Variants in EDN3 observed in about 807,000 individuals in gnomAD.
EDN3 encodes the protein endothelin 3.
Under a neutral mutation model 21.4 loss-of-function variants are expected in EDN3, and 9 were observed. That is an observed-to-expected ratio of 0.42 (90% CI 0.25 to 0.73). The LOEUF (loss-of-function observed/expected upper bound fraction) is 0.73. Among genes scored for constraint, EDN3 ranks in the 30% least tolerant of loss-of-function variants. The probability of loss-of-function intolerance (pLI) is 0.26; values close to 1 mark genes in which losing one functional copy is unlikely to be tolerated. For missense variants in EDN3, 327 were observed against 309.4 expected (o/e 1.06, Z -0.43); for synonymous variants, 133 against 126.2 (o/e 1.05, Z -0.36).
intron 2 of EDN3, among the ~76,000 whole-genome samples, chr20:59,303,242 T>C (rs1600721131): frequency 6.6e-6 from 1 of 152,202 alleles, no homozygotes; most frequent in Non-Finnish European, 1.5e-5. Flanking sequence ...TGTGTCCACC[T>C]AGAGGATGGG....
chr20:59,303,849 C>T (rs1382724647), intron 2 of EDN3, among the ~76,000 whole-genome samples: 4 of 152,082 alleles, frequency 2.6e-5, no homozygotes, highest in African/African-American at 7.2e-5. Flanking sequence ...CCTTCCTTCC[C>T]GACACTGGTT....
rs11570255 is a variant in EDN3 at position 59,300,861 on chromosome 20, G to A, written c.49G>A (p.Ala17Thr). The A allele has an allele frequency of 1.0e-3, 1,677 of 1,610,930 alleles. 14 individuals carry two copies. The East Asian group carries it at 0.021, about 20-fold the overall frequency. Residue 17 changes from alanine (A) to threonine (T), a missense_variant, in exon 1 of 5, where the codon GCA (alanine) becomes ACA (threonine). By Grantham distance (58) the Ala-to-Thr change is moderately conservative. Transcript: ENST00000337938. ...LLFGLTVTSA[A>T]GFVPCSQSGD... is the part of the protein sequence containing the mutation. ...TTTCGGGCTCACAGTGACCTCCGCC[G>A]CAGGTAAGCGCACGGGGCGGCGCGC...
intron 2 of EDN3, among the ~76,000 whole-genome samples, chr20:59,319,461 C>T (rs1990388920): frequency 6.6e-6 from 1 of 152,028 alleles, no homozygotes. Context: ...ACCTGTAATC[C>T]AGCACTTTGG....
Position 59,322,510 on chromosome 20 carries a change from G to A in EDN3, c.588+93G>A. ...GGGTGGAGGGTGTTTTGAGGGGATGGCATCTGGTCTGGTCCAGTGGGAACC... is the reference window on the plus strand; with the variant it reads ...GGGTGGAGGGTGTTTTGAGGGGATGACATCTGGTCTGGTCCAGTGGGAACC... On this transcript the variant is annotated intron_variant, in intron 4 of 4. Transcript: ENST00000337938. This position sits in a 1 kb window ranked among gnomAD's most constrained non-coding sequence, Gnocchi z 4.1. 6.5e-7 allele frequency: 1 copy of A among 1,544,978 alleles called. No individual in the cohort carries two copies. Among genetic ancestry groups the A allele is most frequent in the South Asian group, 1.1e-5 (1 of 89,050 alleles).
intron 2 of EDN3, among the ~76,000 whole-genome samples, chr20:59,320,683 G>C (rs866946245): frequency 6.6e-6 from 1 of 152,216 alleles, no homozygotes; most frequent in Non-Finnish European, 1.5e-5. Flanking sequence ...ACCTGCAGCT[G>C]GTGCCTTGGG....
rs573300682 is a variant in EDN3, at chr20:59,318,054, T to A, written c.366-2963T>A. On this transcript the variant is annotated intron_variant, in intron 2 of 4. Transcript: ENST00000337938. ...CTGGGACTCAAAGCCATATGCTCCC[T>A]CTTCAAGACCATGTTCCAGGTATTC... 4.9e-4 allele frequency among the ~76,000 whole-genome samples: 75 copies of A among 152,306 alleles called. No individual in the cohort carries two copies. The South Asian group carries it at 0.016, about 32-fold the overall frequency.
intron 2 of EDN3, among the ~76,000 whole-genome samples, chr20:59,311,379 G>T (rs1448282267): frequency 1.3e-5 from 2 of 152,198 alleles, no homozygotes. Context: ...GCTCCATAGA[G>T]CAGTGGTATG....
chr20:59,300,678 G>C lies in EDN3; in HGVS notation c.-135G>C. ...CAGCCAACTCCTGGCCGGAGCTGGA[G>C]ACGCAGCGAGCGATCGGCCGGCCTC... On this transcript the variant is annotated 5_prime_UTR_variant, in exon 1 of 5. Coordinates refer to ENST00000337938, the MANE Select transcript of EDN3 (RefSeq NM_207034.3). 1 of 828,850 alleles carries C rather than the reference G, an allele frequency of 1.2e-6. No homozygotes were observed. Among genetic ancestry groups the C allele is most frequent in the Non-Finnish European group, 1.9e-6 (1 of 526,180 alleles). The allele number at this position is 828,850 out of a possible 1,614,324, so 51.3% of individuals were successfully genotyped here. A position where few individuals can be genotyped will look rare whatever the true frequency, so the allele number is the denominator to read the frequency against.
chr20:59,311,552 A>G (rs149415878), intron 2 of EDN3, among the ~76,000 whole-genome samples: 1 of 151,816 alleles, frequency 6.6e-6, no homozygotes, highest in Admixed American at 6.6e-5. Flanking sequence ...CGCTGGTGGG[A>G]GTGTCTTTTA....
chr20:59,320,368 A>G (rs1010133414), intron 2 of EDN3, among the ~76,000 whole-genome samples: 1 of 152,270 alleles, frequency 6.6e-6, no homozygotes, highest in Non-Finnish European at 1.5e-5. Flanking sequence ...TTCAGTCAGA[A>G]ACCTCAGGTC....
chr20:59,304,015 C>T (rs2146824050), intron 2 of EDN3, among the ~76,000 whole-genome samples: 1 of 152,144 alleles, frequency 6.6e-6, no homozygotes, highest in South Asian at 2.1e-4. Flanking sequence ...GGCCTCCTTC[C>T]CTCCCTTCCT....
chr20:59,313,038 A>G (rs1989935178), intron 2 of EDN3, among the ~76,000 whole-genome samples: 1 of 152,220 alleles, frequency 6.6e-6, no homozygotes, highest in Non-Finnish European at 1.5e-5. Context: ...TTCCACTTCA[A>G]GTAATCTAGA....
chr20:59,313,020 C>T (rs960347011), intron 2 of EDN3, among the ~76,000 whole-genome samples: 2 of 152,140 alleles, frequency 1.3e-5, no homozygotes, highest in African/African-American at 4.8e-5. Context: ...ATTGCCAAGA[C>T]ATAATTCTTC....
At chr20:59,314,823 G>A (rs911077918) in intron 2 of EDN3, among the ~76,000 whole-genome samples, 1 of 152,208 alleles carries the variant, frequency 6.6e-6, no homozygotes, top group Admixed American at 6.5e-5. Flanking sequence ...AGTCCTTGGA[G>A]TGCAGGTGCT....
intron 2 of EDN3, among the ~76,000 whole-genome samples, chr20:59,317,080 C>T (rs547779481): frequency 2.0e-5 from 3 of 152,328 alleles, no homozygotes; most frequent in African/African-American, 7.2e-5. Context: ...CAAAGGTTCT[C>T]CGCCAATTTC....
intron 2 of EDN3, among the ~76,000 whole-genome samples, chr20:59,303,345 G>A (rs896367150): frequency 7.2e-5 from 11 of 152,096 alleles, no homozygotes; most frequent in African/African-American, 2.7e-4. Context: ...GATAGCGAGG[G>A]GAGTCACCTT....
intron 2 of EDN3, among the ~76,000 whole-genome samples, chr20:59,310,080 T>A (rs1483038906): frequency 6.6e-6 from 1 of 152,200 alleles, no homozygotes; most frequent in African/African-American, 2.4e-5. Flanking sequence ...CTGATGTGTC[T>A]GGTCATGTTT....
chr20:59,321,723 C>CAA (rs1284102241), intron 3 of EDN3, among the ~76,000 whole-genome samples: 1 of 152,122 alleles, frequency 6.6e-6, no homozygotes, highest in Non-Finnish European at 1.5e-5. Context: ...GTGCAATATC[C>CAA]ATTTACCTGT....
rs1990588892 is a variant in EDN3 at position 59,322,194 on chromosome 20, CT to C, written c.543-175del. Among the ~76,000 whole-genome samples, 1 of 152,130 alleles carries C rather than the reference CT, an allele frequency of 6.6e-6. No homozygotes were observed. The highest frequency in any genetic ancestry group is 1.5e-5 in the Non-Finnish European group (1 of 68,030). On this transcript the variant is annotated intron_variant, in intron 3 of 4. Transcript: ENST00000337938. This position sits in a 1 kb window ranked among gnomAD's most constrained non-coding sequence, Gnocchi z 4.1. ...AAGTGAGTGGTGAGTATATTCTGTA[CT>C]TTGGTAGAAATCCACCCACCGAGTG...
Sources: gnomAD v4.1 joint callset for allele counts (sites outside exome capture counted in the v4.1 genomes callset) on GRCh38, gnomAD v4.1.1 for gene constraint, Gnocchi (gnomAD v3.1) non-coding constraint, MANE v1.5 for transcripts, NCBI Gene and HGNC (gene_info 2026-07-23, HGNC 2026-07-21) for gene names.